The following GNL3L variants were observed in gnomAD, a reference collection of about 807,000 sequenced individuals.
GNL3L encodes the protein G protein nucleolar 3 like, also known as guanine nucleotide-binding protein-like 3-like protein.
A neutral mutation model predicts 42.9 loss-of-function variants in GNL3L; 4 were observed. That is an observed-to-expected ratio of 0.09 (90% CI 0.05 to 0.21). The LOEUF is 0.21. GNL3L is among the 10% of genes least tolerant of loss of function. The pLI, the probability that GNL3L is intolerant of heterozygous loss-of-function variation, is 1.00. For synonymous variants in GNL3L, 159 were observed against 176.3 expected (o/e 0.90, Z 0.78); for missense variants, 412 against 481.7 (o/e 0.86, Z 1.36).
intron 16 of GNL3L, among the ~76,000 whole-genome samples, chrX:54,587,263 A>G (rs978338073): frequency 5.3e-5 from 6 of 112,450 alleles, no homozygotes; most frequent in Admixed American, 2.8e-4. Context: ...TTTGTTAGGT[A>G]TATTTGTTAC....
At chrX:54,597,941 G>C (rs188990076) in intron 16 of GNL3L, among the ~76,000 whole-genome samples, 1 of 111,087 alleles carries the variant, frequency 9.0e-6, no homozygotes, top group Non-Finnish European at 1.9e-5. Context: ...GGGTGGTGTT[G>C]GTGCTTCAGG....
intron 2 of GNL3L, among the ~76,000 whole-genome samples, chrX:54,535,182 G>A (rs915921700): frequency 1.8e-5 from 2 of 111,690 alleles, no homozygotes; most frequent in East Asian, 2.8e-4. Context: ...GCAATGGCGC[G>A]ATCTCAGCTC....
At chrX:54,643,898 T>C in the GNL3L span, among the ~76,000 whole-genome samples, 3 of 112,084 alleles carry the variant, frequency 2.7e-5, no homozygotes, top group African/African-American at 9.7e-5. Context: ...GCCTGGCTTA[T>C]TTCACTTAAC....
Position 54,548,365 on chromosome X carries a change from G to C in GNL3L, c.767G>C (p.Gly256Ala). The C allele has an allele frequency of 1.7e-6, 2 of 1,204,101 alleles. No homozygotes were observed. The highest frequency in any genetic ancestry group is 2.2e-6 in the Non-Finnish European group (2 of 889,270). The change falls in exon 9 of 16, where the codon GGT becomes GCT. Residue 256 changes from glycine to alanine, a missense_variant. Gly to Ala is a moderately conservative substitution (Grantham distance 60, BLOSUM62 0). Coordinates refer to ENST00000360845, the MANE Select transcript of GNL3L (RefSeq NM_001184819.2). ...LGEVRTHIRV[G>A]VVGLPNVGKS... Reference sequence around the variant, plus strand: ...GAAGTGCGCACCCACATTCGTGTGGGTGTTGTGGGTAAGACCTGCTGTGTG... The same window carrying C: ...GAAGTGCGCACCCACATTCGTGTGGCTGTTGTGGGTAAGACCTGCTGTGTG...
chrX:54,618,036 A>T (rs1204702549), intron 16 of GNL3L, among the ~76,000 whole-genome samples: 2 of 110,582 alleles, frequency 1.8e-5, no homozygotes, highest in Non-Finnish European at 3.8e-5. Context: ...ACTTTAAAAA[A>T]ATTTAGCTCT....
chrX:54,600,933 A>G (rs759369018), intron 16 of GNL3L, among the ~76,000 whole-genome samples: 1 of 112,461 alleles, frequency 8.9e-6, no homozygotes, highest in East Asian at 2.8e-4. Flanking sequence ...CATTGTAGCT[A>G]AAAAGTGAAA....
At chrX:54,545,737 A>G (rs1462180983) in intron 8 of GNL3L, among the ~76,000 whole-genome samples, 1 of 112,306 alleles carries the variant, frequency 8.9e-6, no homozygotes, top group Non-Finnish European at 1.9e-5. Flanking sequence ...AATAAAATTA[A>G]CTACAGATAA....
Position 54,551,850 on chromosome X carries a change from G to A in GNL3L, c.1057G>A (p.Val353Ile), listed in dbSNP as rs762836018. ...TCACCAGATTTCCAACTATTATGGC[G>A]TCTCTGGGTTCCAGACCACTGAGCA... Reference protein sequence around the residue: ...NLEEISNYYGVSGFQTTEHFL... With the variant: ...NLEEISNYYGISGFQTTEHFL... The change falls in exon 12 of 16, where the codon GTC becomes ATC. Residue 353 changes from valine (V) to isoleucine (I), a missense_variant. Val to Ile is a conservative substitution (Grantham distance 29). Transcript: ENST00000360845. The A allele has an allele frequency of 5.0e-6, 6 of 1,210,047 alleles. No individual in the cohort carries two copies. The highest frequency in any genetic ancestry group is 3.5e-5 in the South Asian group (2 of 56,865).
chrX:54,637,110 A>G, the GNL3L span, among the ~76,000 whole-genome samples: 1 of 111,575 alleles, frequency 9.0e-6, no homozygotes, highest in Non-Finnish European at 1.9e-5. Flanking sequence ...GTTTTGAGAA[A>G]GTTGGTTCTG....
At chrX:54,578,464 A>G (rs1032690290) in intron 16 of GNL3L, among the ~76,000 whole-genome samples, 2 of 112,419 alleles carry the variant, frequency 1.8e-5, no homozygotes, top group South Asian at 3.6e-4. Context: ...TCCTTGTGCT[A>G]TCCTTTTTAA....
intron 16 of GNL3L, among the ~76,000 whole-genome samples, chrX:54,599,183 C>T (rs781203454): frequency 2.7e-5 from 3 of 111,333 alleles, no homozygotes; most frequent in Non-Finnish European, 5.7e-5. Context: ...GAAATAATGC[C>T]GGCAAGAAGA....
intron 16 of GNL3L, among the ~76,000 whole-genome samples, chrX:54,616,751 T>C (rs1926225761): frequency 9.0e-6 from 1 of 111,547 alleles, no homozygotes; most frequent in Non-Finnish European, 1.9e-5. Context: ...GTCAACTGGA[T>C]AGTGTTAGCC....
chrX:54,557,217 C>G (rs933806915), intron 14 of GNL3L, among the ~76,000 whole-genome samples: 1 of 108,869 alleles, frequency 9.2e-6, no homozygotes. Flanking sequence ...ACTCATTTCT[C>G]TGTCCCAGCA....
intron 16 of GNL3L, among the ~76,000 whole-genome samples, chrX:54,577,213 ATGT>A (rs765662556): frequency 3.6e-5 from 4 of 112,399 alleles, no homozygotes; most frequent in East Asian, 5.6e-4. Context: ...AGGTTCATCC[ATGT>A]TGTAACAGTT....
intron 16 of GNL3L, among the ~76,000 whole-genome samples, chrX:54,584,421 T>A (rs1410814022): frequency 8.9e-6 from 1 of 112,010 alleles, no homozygotes; most frequent in Admixed American, 9.5e-5. Context: ...ATATAATGTA[T>A]AATGATCAAA....
rs1172527598 is a variant in GNL3L at position 54,600,206 on chromosome X, C to CT, written c.*46-20602dup. On this transcript the variant is annotated intron_variant, in intron 16 of 16. Transcript: ENST00000674498. Reference sequence around the variant, plus strand: ...CTCTAGATTTTATTCCAATCTGCTGCTTTTTTTTTTTTTTTTTTTTTTTTT... The same window carrying CT: ...CTCTAGATTTTATTCCAATCTGCTGCTTTTTTTTTTTTTTTTTTTTTTTTTT... Among the ~76,000 whole-genome samples, 17 of 13,401 alleles carry CT rather than the reference C, an allele frequency of 1.3e-3. 6 individuals are homozygous for CT. The highest frequency in any genetic ancestry group is 3.2e-3 in the Admixed American group (3 of 945). 11.6% of individuals were successfully genotyped at this position (13,401 alleles called of 115,157 possible). A position where few individuals can be genotyped will look rare whatever the true frequency, so the allele number is the denominator to read the frequency against.
chrX:54,579,129 A>G (rs1002798754), intron 16 of GNL3L, among the ~76,000 whole-genome samples: 4 of 111,609 alleles, frequency 3.6e-5, no homozygotes, highest in South Asian at 3.7e-4. Context: ...CTTTTGTCCT[A>G]TATGTGATTT....
At chrX:54,551,524 C>T (rs943578220) in intron 10 of GNL3L, 44 bp from the exon 11 acceptor site, 1 of 1,151,088 alleles carries the variant, frequency 8.7e-7, no homozygotes, top group African/African-American at 1.8e-5. Context: ...ATTGGGGCCT[C>T]TACGATGCCA....
chrX:54,542,091 A>T (rs1924639115), intron 5 of GNL3L, among the ~76,000 whole-genome samples: 1 of 111,744 alleles, frequency 8.9e-6, no homozygotes, highest in Non-Finnish European at 1.9e-5. Context: ...GACTCACATG[A>T]TTTATTTTTT....
Sources: allele counts gnomAD v4.1 joint callset (sites outside exome capture counted in the v4.1 genomes callset), GRCh38; gene constraint gnomAD v4.1.1; transcripts MANE v1.5; gene names NCBI Gene and HGNC (gene_info 2026-07-23, HGNC 2026-07-21).